The following FBLN5 variants were observed in gnomAD, a reference collection of about 807,000 sequenced individuals.
The protein encoded by FBLN5 is fibulin 5, also known as fibulin-5.
A neutral mutation model predicts 61.6 loss-of-function variants in FBLN5; 24 were observed. The observed-to-expected ratio is 0.39, with a 90% CI of 0.28 to 0.55. FBLN5 has a LOEUF of 0.55. Ranked by LOEUF, FBLN5 falls within the 20% of genes least tolerant of loss-of-function variation. The probability of loss-of-function intolerance (pLI) is 0.65; values close to 1 mark genes in which losing one functional copy is unlikely to be tolerated. For missense variants in FBLN5, 470 were observed against 594.1 expected (o/e 0.79, Z 2.17); for synonymous variants, 213 against 219.8 (o/e 0.97, Z 0.27).
intron 10 of FBLN5, among the ~76,000 whole-genome samples, chr14:91,875,329 G>A (rs1378273072): frequency 1.3e-5 from 2 of 152,172 alleles, no homozygotes; most frequent in Non-Finnish European, 2.9e-5. Flanking sequence ...AATGCAAGGA[G>A]CTGATGTTGA....
intron 4 of FBLN5, among the ~76,000 whole-genome samples, chr14:91,904,779 C>T (rs532022265): frequency 5.8e-4 from 89 of 152,340 alleles, no homozygotes; most frequent in South Asian, 4.6e-3. Flanking sequence ...CTTGTAATAA[C>T]GTCACATTGT....
At chr14:91,897,497 G>C (rs1890275002) in intron 4 of FBLN5, among the ~76,000 whole-genome samples, 1 of 152,210 alleles carries the variant, frequency 6.6e-6, no homozygotes, top group African/African-American at 2.4e-5. Context: ...GGGTGAGGGT[G>C]ACCAACACAG....
intron 9 of FBLN5, among the ~76,000 whole-genome samples, chr14:91,878,655 T>C (rs1889283926): frequency 6.6e-6 from 1 of 152,224 alleles, no homozygotes; most frequent in African/African-American, 2.4e-5. Flanking sequence ...ACTCTTGCCT[T>C]CTCGCCTTTG....
intron 1 of FBLN5, among the ~76,000 whole-genome samples, chr14:91,945,228 C>CA (rs545285563): frequency 0.053 from 3,425 of 64,434 alleles, 67 homozygotes; most frequent in African/African-American, 0.095. Flanking sequence ...GACTCCGTCT[C>CA]AAAAAAAAAA....
At chr14:91,899,264 C>T (rs61988362) in intron 4 of FBLN5, among the ~76,000 whole-genome samples, 5,934 of 152,304 alleles carry the variant, frequency 0.039, 153 homozygotes, top group African/African-American at 0.06. Context: ...TCTCTCATCT[C>T]CCTGCTCCCT....
chr14:91,922,991 C>A, intron 4 of FBLN5, among the ~76,000 whole-genome samples: 1 of 152,216 alleles, frequency 6.6e-6, no homozygotes, highest in African/African-American at 2.4e-5. Flanking sequence ...TTAGCCCCTA[C>A]AGCTTAGACT....
At chr14:91,896,819 G>A (rs758402959) in intron 4 of FBLN5, among the ~76,000 whole-genome samples, 25 of 152,220 alleles carry the variant, frequency 1.6e-4, no homozygotes, top group Non-Finnish European at 3.1e-4. Flanking sequence ...GCAGATTGCA[G>A]ACTTGATCAT....
At chr14:91,871,221 TAAAA>T (rs55903830) in intron 10 of FBLN5, among the ~76,000 whole-genome samples, 1 of 137,922 alleles carries the variant, frequency 7.3e-6, no homozygotes, top group African/African-American at 2.7e-5. Context: ...ATCAGTAATT[TAAAA>T]AAAAAAAAAA....
chr14:91,879,914 G>T (rs574821098), intron 9 of FBLN5, among the ~76,000 whole-genome samples: 1 of 152,278 alleles, frequency 6.6e-6, no homozygotes, highest in East Asian at 1.9e-4. Flanking sequence ...AAGTCGATGT[G>T]TGAACATTTG....
In FBLN5 at chr14:91,947,147, AC is replaced by A; in HGVS notation, c.17+65del. 1 of 1,609,434 alleles carries A rather than the reference AC, an allele frequency of 6.2e-7. No individual in the cohort carries two copies. The highest frequency in any genetic ancestry group is 1.1e-5 in the South Asian group (1 of 90,864). ...TGAATCGCAGCCATAACCATTTTCC[AC>A]CCATCGGATTTTTAGCAAGGCTTCC... On this transcript the variant is annotated intron_variant, in intron 1 of 10. Coordinates refer to ENST00000342058, the MANE Select transcript of FBLN5 (RefSeq NM_006329.4). The surrounding 1 kb of genome is among the most constrained non-coding windows in gnomAD (Gnocchi z 4.3).
At chr14:91,900,816 G>A (rs1890419872) in intron 4 of FBLN5, among the ~76,000 whole-genome samples, 1 of 152,208 alleles carries the variant, frequency 6.6e-6, no homozygotes, top group Admixed American at 6.5e-5. Context: ...CCCCGGGGAG[G>A]TGCTGTTTCT....
chr14:91,930,762 T>C (rs1336687274), intron 4 of FBLN5, among the ~76,000 whole-genome samples: 1 of 152,188 alleles, frequency 6.6e-6, no homozygotes, highest in Non-Finnish European at 1.5e-5. Context: ...CTTCCCACTT[T>C]TCTGTCTCAC....
Position 91,869,637 on chromosome 14 carries a change from G to C in FBLN5, c.*587C>G, listed in dbSNP as rs886870815. 6.3e-6 allele frequency: 1 copy of C among 158,934 alleles called. No homozygotes were observed. The highest frequency in any genetic ancestry group is 1.4e-5 in the Non-Finnish European group (1 of 71,780). The allele number at this position is 158,934 out of a possible 1,614,324, so 9.8% of individuals were successfully genotyped here. Reference sequence around the variant, plus strand: ...AAAATGAACAAGACAGAATTAAACCGTTATACAAATTTAAGGACAACTGAA... The same window carrying C: ...AAAATGAACAAGACAGAATTAAACCCTTATACAAATTTAAGGACAACTGAA... On this transcript the variant is annotated 3_prime_UTR_variant, in exon 11 of 11. Coordinates refer to ENST00000342058, the MANE Select transcript of FBLN5 (RefSeq NM_006329.4).
intron 10 of FBLN5, among the ~76,000 whole-genome samples, chr14:91,871,853 TA>T (rs111668602): frequency 0.2 from 26,050 of 132,538 alleles, 2,503 homozygotes; most frequent in Non-Finnish European, 0.26. Flanking sequence ...AGACTCCAGC[TA>T]AAAAAAAAAA....
intron 4 of FBLN5, among the ~76,000 whole-genome samples, chr14:91,901,131 T>G (rs1271777993): frequency 6.6e-6 from 1 of 152,224 alleles, no homozygotes; most frequent in Non-Finnish European, 1.5e-5. Flanking sequence ...TCCAAAAGCA[T>G]AAAGGTACGT....
At chr14:91,920,870 C>G (rs2055721271) in intron 4 of FBLN5, among the ~76,000 whole-genome samples, 1 of 152,216 alleles carries the variant, frequency 6.6e-6, no homozygotes, top group Non-Finnish European at 1.5e-5. Flanking sequence ...ATCATTAGAA[C>G]TGGTCTTCAA....
intron 10 of FBLN5, 25 bp downstream of exon 10, chr14:91,877,462 G>T: frequency 6.3e-7 from 1 of 1,583,488 alleles, no homozygotes; most frequent in Non-Finnish European, 8.7e-7. Context: ...TACAGATGGC[G>T]TCCCCACTCC....
intron 4 of FBLN5, among the ~76,000 whole-genome samples, chr14:91,898,221 G>A (rs1418933415): frequency 2.0e-5 from 3 of 151,882 alleles, no homozygotes; most frequent in East Asian, 1.9e-4. Context: ...CGGGGGGGGC[G>A]GAATCTCTCA....
chr14:91,918,434 A>G (rs1056979481), intron 4 of FBLN5, among the ~76,000 whole-genome samples: 5 of 152,164 alleles, frequency 3.3e-5, no homozygotes, highest in African/African-American at 1.2e-4. Context: ...GTATCCATAG[A>G]GCTGAGCCAA....
Sources: gnomAD v4.1 joint callset for allele counts (sites outside exome capture counted in the v4.1 genomes callset) on GRCh38, gnomAD v4.1.1 for gene constraint, Gnocchi (gnomAD v3.1) non-coding constraint, MANE v1.5 for transcripts, NCBI Gene and HGNC (gene_info 2026-07-23, HGNC 2026-07-21) for gene names.